Variants in CDKAL1 observed in about 807,000 individuals in gnomAD.
CDKAL1 encodes threonylcarbamoyladenosine tRNA methylthiotransferase.
CDKAL1 carries 32 observed loss-of-function variants against 68.2 expected under a neutral mutation model. The observed-to-expected ratio is 0.47, with a 90% confidence interval of 0.35 to 0.63. The LOEUF (loss-of-function observed/expected upper bound fraction) is 0.63. Ranked by LOEUF, CDKAL1 falls within the 30% of genes least tolerant of loss-of-function variation. The probability of loss-of-function intolerance (pLI) is 0.00; values close to 1 mark genes in which losing one functional copy is unlikely to be tolerated. For missense variants in CDKAL1, 606 were observed against 696.7 expected, an observed-to-expected ratio of 0.87 and a Z score of 1.47; for synonymous variants, 234 against 244.3, an observed-to-expected ratio of 0.96 and a Z score of 0.39.
At chr6:20,642,737 T>C (rs926975207) in intron 4 of CDKAL1, among the ~76,000 whole-genome samples, 2 of 152,162 alleles carry the variant, frequency 1.3e-5, no homozygotes, top group Non-Finnish European at 2.9e-5. Flanking sequence ...GAATTTATCC[T>C]CTGACCCCAC....
At chr6:20,838,254 G>A (rs2150479137) in intron 8 of CDKAL1, among the ~76,000 whole-genome samples, 1 of 152,178 alleles carries the variant, frequency 6.6e-6, no homozygotes, top group African/African-American at 2.4e-5. Flanking sequence ...TACTATGGTA[G>A]GAAGTGTATA....
At chr6:20,741,026 G>C (rs191766685) in intron 6 of CDKAL1, among the ~76,000 whole-genome samples, 20 of 152,200 alleles carry the variant, frequency 1.3e-4, no homozygotes, top group African/African-American at 4.8e-4. Context: ...AATTACGTTA[G>C]AGAATAGCAG....
chr6:21,124,231 A>G (rs916360793), intron 13 of CDKAL1, among the ~76,000 whole-genome samples: 3 of 152,210 alleles, frequency 2.0e-5, no homozygotes, highest in African/African-American at 7.2e-5. Context: ...TTTTCAGGAC[A>G]TAGTTTGATA....
At chr6:21,010,768 A>G (rs1767967047) in intron 11 of CDKAL1, among the ~76,000 whole-genome samples, 1 of 152,196 alleles carries the variant, frequency 6.6e-6, no homozygotes, top group South Asian at 2.1e-4. Context: ...ATTTTTTTAA[A>G]AGGCTGAATC....
intron 4 of CDKAL1, among the ~76,000 whole-genome samples, chr6:20,604,770 G>C (rs1290897051): frequency 6.6e-6 from 1 of 152,228 alleles, no homozygotes; most frequent in African/African-American, 2.4e-5. Flanking sequence ...ACAAGATGTA[G>C]TATACAATTT....
At chr6:21,045,378 G>C (rs954199908) in intron 11 of CDKAL1, among the ~76,000 whole-genome samples, 1 of 152,148 alleles carries the variant, frequency 6.6e-6, no homozygotes. Flanking sequence ...ACCTTGCATA[G>C]TTTGGGACAT....
At chr6:20,915,029 G>C (rs1299135973) in intron 9 of CDKAL1, among the ~76,000 whole-genome samples, 1 of 151,922 alleles carries the variant, frequency 6.6e-6, no homozygotes, top group East Asian at 1.9e-4. Context: ...TTTAAAATAA[G>C]ATGTTCTTAT....
rs754541092 is a variant in CDKAL1, at chr6:21,231,004, C to T, written c.1705C>T (p.Leu569Phe). Reference protein sequence around the residue: ...RMSVGLALLGLLFAFFVKVYN With the variant: ...RMSVGLALLGFLFAFFVKVYN The stretch of plus-strand genomic sequence containing the variant: ...GTCCGTGGGCTTGGCTCTGCTGGGT[C>T]TTCTTTTTGCTTTTTTTGTCAAGGT... Residue 569 changes from leucine to phenylalanine, a missense_variant, in exon 16 of 16, where the codon CTT becomes TTT. Leu to Phe is a conservative substitution (Grantham distance 22, BLOSUM62 0). Coordinates refer to ENST00000274695, the MANE Select transcript of CDKAL1 (RefSeq NM_017774.3). 5 of 1,608,160 alleles carry T rather than the reference C, an allele frequency of 3.1e-6. No individual in the cohort carries two copies. In the East Asian group the frequency reaches 6.7e-5, roughly 22 times the overall value.
At chr6:21,198,684 G>GTTCAC (rs1331902624) in intron 14 of CDKAL1, among the ~76,000 whole-genome samples, 7 of 152,196 alleles carry the variant, frequency 4.6e-5, no homozygotes, top group African/African-American at 1.4e-4. Flanking sequence ...GCAGACCAGT[G>GTTCAC]TGAGGATCAA....
At chr6:20,912,053 C>A (rs1236181214) in intron 9 of CDKAL1, among the ~76,000 whole-genome samples, 1 of 152,128 alleles carries the variant, frequency 6.6e-6, no homozygotes, top group Admixed American at 6.5e-5. Flanking sequence ...TGTGTTTTTC[C>A]ACCACATGGT....
intron 13 of CDKAL1, among the ~76,000 whole-genome samples, chr6:21,138,582 GA>G (rs1480043638): frequency 6.6e-6 from 1 of 152,090 alleles, no homozygotes; most frequent in Non-Finnish European, 1.5e-5. Context: ...ATACAACTCT[GA>G]AAACAACTGA....
intron 10 of CDKAL1, among the ~76,000 whole-genome samples, chr6:20,991,406 G>T (rs138551973): frequency 6.6e-6 from 1 of 152,046 alleles, no homozygotes; most frequent in African/African-American, 2.4e-5. Context: ...CCTAAAAATG[G>T]TTCAAAATCA....
At chr6:20,868,852 A>G (rs1361033919) in intron 9 of CDKAL1, among the ~76,000 whole-genome samples, 1 of 152,212 alleles carries the variant, frequency 6.6e-6, no homozygotes, top group Non-Finnish European at 1.5e-5. Context: ...GGAACTGCAG[A>G]GGTGTATGAA....
At chr6:21,205,265 G>C (rs1258233874) in intron 15 of CDKAL1, among the ~76,000 whole-genome samples, 1 of 152,180 alleles carries the variant, frequency 6.6e-6, no homozygotes, top group Non-Finnish European at 1.5e-5. Flanking sequence ...ATGAACATGG[G>C]TGCACAGATA....
chr6:20,993,897 A>T (rs1041834891), intron 10 of CDKAL1, among the ~76,000 whole-genome samples: 1 of 152,232 alleles, frequency 6.6e-6, no homozygotes, highest in Non-Finnish European at 1.5e-5. Context: ...GTTAATATCT[A>T]TATTTTAAGC....
At chr6:21,082,548 T>G (rs1189757239) in intron 12 of CDKAL1, among the ~76,000 whole-genome samples, 1 of 152,230 alleles carries the variant, frequency 6.6e-6, no homozygotes, top group Non-Finnish European at 1.5e-5. Context: ...AAATAAGTAC[T>G]CATCCGATAA....
intron 9 of CDKAL1, among the ~76,000 whole-genome samples, chr6:20,892,637 A>G (rs1761468645): frequency 6.6e-6 from 1 of 152,200 alleles, no homozygotes; most frequent in South Asian, 2.1e-4. Flanking sequence ...CAAAACATGT[A>G]CTCATAACCT....
chr6:21,099,138 C>G (rs889917025), intron 12 of CDKAL1, among the ~76,000 whole-genome samples: 24 of 152,150 alleles, frequency 1.6e-4, no homozygotes, highest in African/African-American at 5.8e-4. Context: ...GGAACCCACA[C>G]CTCAGTATTA....
At chr6:20,704,923 A>C (rs535461187) in intron 5 of CDKAL1, among the ~76,000 whole-genome samples, 3 of 152,344 alleles carry the variant, frequency 2.0e-5, no homozygotes, top group Admixed American at 6.5e-5. Context: ...GGTTTGGAAT[A>C]AATGGGTCAG....
Sources: gnomAD v4.1 joint callset for allele counts (sites outside exome capture counted in the v4.1 genomes callset) on GRCh38, gnomAD v4.1.1 for gene constraint, MANE v1.5 for transcripts, NCBI Gene and HGNC (gene_info 2026-07-23, HGNC 2026-07-21) for gene names.